The following EPHA3 variants were observed in gnomAD, a reference collection of about 807,000 sequenced individuals.
EPHA3 encodes the protein ephrin type-A receptor 3.
Under a neutral mutation model 107.1 loss-of-function variants are expected in EPHA3, and 42 were observed. That is an observed-to-expected ratio of 0.39 (90% CI 0.31 to 0.51). The LOEUF (loss-of-function observed/expected upper bound fraction) is 0.51. Ranked by LOEUF, EPHA3 falls within the 20% of genes least tolerant of loss-of-function variation. The pLI is 0.78. For synonymous variants in EPHA3, 461 were observed against 424.8 expected, an observed-to-expected ratio of 1.09 and a Z score of -1.05; for missense variants, 1,183 against 1,211.2, an observed-to-expected ratio of 0.98 and a Z score of 0.35.
chr3:89,172,693 C>T (rs1463356975), intron 2 of EPHA3, among the ~76,000 whole-genome samples: 2 of 152,090 alleles, frequency 1.3e-5, no homozygotes, highest in Admixed American at 1.3e-4. Flanking sequence ...TTGTAAGAAA[C>T]AACAATGTTG....
chr3:89,107,943 G>A, intron 1 of EPHA3, 107 bp downstream of exon 1: 3 of 1,055,652 alleles, frequency 2.8e-6, no homozygotes, highest in East Asian at 2.4e-5. Context: ...TCCGAATAGA[G>A]CAGTTTGCTC....
chr3:89,275,139 T>A (rs1194081935), intron 3 of EPHA3, among the ~76,000 whole-genome samples: 1 of 151,944 alleles, frequency 6.6e-6, no homozygotes, highest in Non-Finnish European at 1.5e-5. Context: ...AGTCCATAAT[T>A]TTTCCGCTAC....
At chr3:89,411,591 C>G (rs537928544) in intron 9 of EPHA3, among the ~76,000 whole-genome samples, 1 of 152,006 alleles carries the variant, frequency 6.6e-6, no homozygotes, top group East Asian at 1.9e-4. Flanking sequence ...CTCACACTTA[C>G]GTTTTTTTAC....
intron 3 of EPHA3, among the ~76,000 whole-genome samples, chr3:89,276,727 C>T (rs1408199428): frequency 7.9e-5 from 12 of 151,906 alleles, no homozygotes; most frequent in East Asian, 1.9e-4. Flanking sequence ...TATTCTAATC[C>T]GAATAGCCTT....
At chr3:89,447,481 A>G (rs1709896978) in intron 13 of EPHA3, among the ~76,000 whole-genome samples, 1 of 152,178 alleles carries the variant, frequency 6.6e-6, no homozygotes, top group Non-Finnish European at 1.5e-5. Flanking sequence ...ACCAAGGAGA[A>G]GTGCTCAGTT....
At chr3:89,249,573 G>A (rs1042003211) in intron 3 of EPHA3, among the ~76,000 whole-genome samples, 6 of 151,938 alleles carry the variant, frequency 3.9e-5, no homozygotes, top group African/African-American at 7.3e-5. Flanking sequence ...CAATTCCCCC[G>A]CCTCAGCCTC....
At position 89,342,097 on chromosome 3, in the gene EPHA3, A is replaced by C; in HGVS notation, c.1306+7A>C. 6.2e-7 allele frequency: 1 copy of C among 1,602,986 alleles called. No individual in the cohort carries two copies. Among genetic ancestry groups the C allele is most frequent in the Non-Finnish European group, 8.5e-7 (1 of 1,174,256 alleles). On this transcript the variant is annotated splice_region_variant and intron_variant, in intron 5 of 16. Transcript: ENST00000336596. ...ATCACAACTAATCAGGCTGGTGAGT[A>C]CATACTAGATGCTTCTTACTCTTAT...
intron 5 of EPHA3, among the ~76,000 whole-genome samples, chr3:89,360,133 A>G (rs1274150744): frequency 2.0e-5 from 3 of 150,518 alleles, no homozygotes; most frequent in Non-Finnish European, 4.5e-5. Flanking sequence ...TCAGTAAACA[A>G]CTTACTGCTT....
intron 2 of EPHA3, among the ~76,000 whole-genome samples, chr3:89,185,832 C>T (rs558193603): frequency 2.0e-5 from 3 of 152,146 alleles, no homozygotes; most frequent in Non-Finnish European, 4.4e-5. Flanking sequence ...GGACAAGCAA[C>T]AGGATTTAGA....
chr3:89,282,358 T>G (rs1183460462), intron 3 of EPHA3, among the ~76,000 whole-genome samples: 1 of 152,186 alleles, frequency 6.6e-6, no homozygotes, highest in Non-Finnish European at 1.5e-5. Flanking sequence ...AAATAGCAGA[T>G]ATTTATTCTC....
chr3:89,473,829 T>TGGA (rs1209863568), intron 16 of EPHA3, among the ~76,000 whole-genome samples: 1 of 152,148 alleles, frequency 6.6e-6, no homozygotes, highest in Non-Finnish European at 1.5e-5. Flanking sequence ...GAAGATAAGA[T>TGGA]GGAGAACTGT....
chr3:89,452,125 G>T (rs745820025), intron 15 of EPHA3, among the ~76,000 whole-genome samples: 3 of 152,094 alleles, frequency 2.0e-5, no homozygotes, highest in Non-Finnish European at 2.9e-5. Context: ...TACCTATGTT[G>T]ATTTCATATC....
intron 2 of EPHA3, among the ~76,000 whole-genome samples, chr3:89,185,890 TTTGAGAGGAATAGCCCCTCA>T (rs1559590527): frequency 2.0e-5 from 3 of 152,162 alleles, no homozygotes; most frequent in Non-Finnish European, 4.4e-5. Context: ...AAAGTGATAT[TTTGAGAGGAATAGCCCCTCA>T]TTGTCTATTA....
intron 11 of EPHA3, among the ~76,000 whole-genome samples, chr3:89,424,911 A>G (rs1576371159): frequency 6.6e-6 from 1 of 151,426 alleles, no homozygotes. Flanking sequence ...AAAGCATTCT[A>G]TGTGTTAGGA....
intron 3 of EPHA3, among the ~76,000 whole-genome samples, chr3:89,275,780 G>C (rs1308496706): frequency 2.0e-5 from 3 of 151,920 alleles, no homozygotes; most frequent in Non-Finnish European, 4.4e-5. Context: ...GAAAAATCTT[G>C]GTTTATTTTA....
intron 15 of EPHA3, among the ~76,000 whole-genome samples, chr3:89,456,382 C>T (rs549006399): frequency 2.1e-3 from 313 of 152,054 alleles, no homozygotes; most frequent in African/African-American, 7.3e-3. Context: ...CAACATCATT[C>T]TGATAGAAAT....
intron 2 of EPHA3, among the ~76,000 whole-genome samples, chr3:89,167,061 G>A (rs1206543476): frequency 6.6e-6 from 1 of 152,102 alleles, no homozygotes; most frequent in Non-Finnish European, 1.5e-5. Flanking sequence ...TGACAGTTTA[G>A]TGATACATAT....
At chr3:89,282,054 T>G (rs180801564) in intron 3 of EPHA3, among the ~76,000 whole-genome samples, 4 of 152,328 alleles carry the variant, frequency 2.6e-5, no homozygotes, top group Non-Finnish European at 5.9e-5. Context: ...CCTGTGAAAG[T>G]TTATTCGTGC....
rs148960839 is a variant in EPHA3 at position 89,135,727 on chromosome 3, G to A, written c.153+8454G>A. Among the ~76,000 whole-genome samples, 127 of 148,072 alleles carry A rather than the reference G, an allele frequency of 8.6e-4. 1 individual carries two copies. The East Asian group carries it at 0.014, about 16-fold the overall frequency. ...AGACATATTTAGTTAAATGTAGCTA[G>A]AAAATACAACTGGCTTGTGAACTGA... On this transcript the variant is annotated intron_variant, in intron 2 of 16. Transcript: ENST00000336596.
Sources: allele counts gnomAD v4.1 joint callset (sites outside exome capture counted in the v4.1 genomes callset), GRCh38; gene constraint gnomAD v4.1.1; transcripts MANE v1.5; gene names NCBI Gene and HGNC (gene_info 2026-07-23, HGNC 2026-07-21).